ULK4: variants seen among roughly 807,000 people sequenced by gnomAD.
ULK4 encodes the protein unc-51 like kinase 4.
ULK4 carries 133 observed loss-of-function variants against 160.6 expected under a neutral mutation model. The observed-to-expected ratio is 0.83, with a 90% confidence interval of 0.72 to 0.96. The LOEUF is 0.96. Among genes scored for constraint, ULK4 ranks in the 40% least tolerant of loss-of-function variants. The pLI, the probability that ULK4 is intolerant of heterozygous loss-of-function variation, is 0.00. For missense variants in ULK4, 1,580 were observed against 1,499.5 expected (o/e 1.05, Z -0.89); for synonymous variants, 534 against 539.8 (o/e 0.99, Z 0.15).
intron 32 of ULK4, among the ~76,000 whole-genome samples, chr3:41,509,383 A>C (rs1448400433): frequency 1.3e-5 from 2 of 152,224 alleles, no homozygotes; most frequent in African/African-American, 4.8e-5. Context: ...AGACATGTAA[A>C]AGTTTGGAAA....
At chr3:41,311,380 C>T (rs1463833735) in intron 35 of ULK4, among the ~76,000 whole-genome samples, 4 of 152,004 alleles carry the variant, frequency 2.6e-5, no homozygotes, top group African/African-American at 9.7e-5. Flanking sequence ...GGCAGAAAAG[C>T]GTGAAAAGAC....
At chr3:41,307,370 G>A (rs7616239) in intron 35 of ULK4, among the ~76,000 whole-genome samples, 1,939 of 152,214 alleles carry the variant, frequency 0.013, 17 homozygotes, top group Middle Eastern at 0.027. Flanking sequence ...AGTGAAGGTA[G>A]GTGCTTTTTT....
At chr3:41,412,591 C>T (rs141937723) in intron 34 of ULK4, among the ~76,000 whole-genome samples, 3,474 of 103,664 alleles carry the variant, frequency 0.034, 143 homozygotes, top group African/African-American at 0.12. Flanking sequence ...GACAGAGTCT[C>T]GCTCTGTTGC....
In ULK4 at chr3:41,676,984, T is replaced by C. The variant is rs955220873; in HGVS notation, c.2978+4524A>G. 2.1e-4 allele frequency among the ~76,000 whole-genome samples: 28 copies of C among 135,030 alleles called. 1 individual carries two copies. Among genetic ancestry groups the C allele is most frequent in the Non-Finnish European group, 4.6e-5 (3 of 65,182 alleles). 88.6% of individuals were successfully genotyped at this position (135,030 alleles called of 152,430 possible). ...TGGAGTGGTAGAATCACGGTCACCA[T>C]ATCCTCGACACCCCTGGGCTCAGGT... On this transcript the variant is annotated intron_variant, in intron 29 of 36. Transcript: ENST00000301831.
intron 21 of ULK4, among the ~76,000 whole-genome samples, chr3:41,763,559 A>G (rs1417701245): frequency 2.6e-5 from 4 of 152,228 alleles, no homozygotes; most frequent in African/African-American, 9.6e-5. Flanking sequence ...ATTGTCATAT[A>G]ATATTCCATT....
chr3:41,610,992 A>C (rs2032647729), intron 31 of ULK4, among the ~76,000 whole-genome samples: 1 of 152,214 alleles, frequency 6.6e-6, no homozygotes, highest in Non-Finnish European at 1.5e-5. Flanking sequence ...ATTCACACTT[A>C]AGGCACATTT....
At chr3:41,378,456 A>T (rs184027037) in intron 35 of ULK4, among the ~76,000 whole-genome samples, 1 of 152,108 alleles carries the variant, frequency 6.6e-6, no homozygotes, top group Non-Finnish European at 1.5e-5. Context: ...GCAGCCATAA[A>T]AAAGGATGAG....
chr3:41,708,189 T>TATA (rs1465267958), intron 25 of ULK4, among the ~76,000 whole-genome samples: 4 of 151,930 alleles, frequency 2.6e-5, no homozygotes, highest in Non-Finnish European at 5.9e-5. Context: ...TATATATATA[T>TATA]ATTTCCAAAG....
chr3:41,866,541 C>A (rs1345093185), intron 17 of ULK4, among the ~76,000 whole-genome samples: 1 of 152,228 alleles, frequency 6.6e-6, no homozygotes, highest in African/African-American at 2.4e-5. Context: ...AATGCCACTG[C>A]TGATCTGACA....
At chr3:41,601,096 T>G (rs1411449131) in intron 31 of ULK4, among the ~76,000 whole-genome samples, 1 of 152,200 alleles carries the variant, frequency 6.6e-6, no homozygotes, top group African/African-American at 2.4e-5. Flanking sequence ...CAAGAGCTAG[T>G]TCTTTAGGAG....
At chr3:41,626,650 G>A (rs185379821) in intron 30 of ULK4, among the ~76,000 whole-genome samples, 386 of 151,044 alleles carry the variant, frequency 2.6e-3, no homozygotes, top group African/African-American at 8.6e-3. Flanking sequence ...TCAGCCACCC[G>A]AGTAGCTAGG....
intron 35 of ULK4, among the ~76,000 whole-genome samples, chr3:41,259,123 T>C (rs1331989489): frequency 1.3e-5 from 2 of 150,608 alleles, no homozygotes; most frequent in Admixed American, 1.3e-4. Flanking sequence ...TGTGTATATA[T>C]ATATATATAA....
At chr3:41,529,659 T>C (rs551831232) in intron 32 of ULK4, among the ~76,000 whole-genome samples, 97 of 152,208 alleles carry the variant, frequency 6.4e-4, no homozygotes, top group Middle Eastern at 6.8e-3. Flanking sequence ...TTTTTCTTTT[T>C]CCCCCATATT....
At chr3:41,357,495 G>A (rs2125768803) in intron 35 of ULK4, among the ~76,000 whole-genome samples, 1 of 152,268 alleles carries the variant, frequency 6.6e-6, no homozygotes, top group East Asian at 1.9e-4. Context: ...ATTGCATGTG[G>A]TCTGCTTCCC....
intron 32 of ULK4, among the ~76,000 whole-genome samples, chr3:41,474,085 C>T (rs888491393): frequency 3.9e-5 from 6 of 152,078 alleles, no homozygotes; most frequent in South Asian, 2.1e-4. Flanking sequence ...AAGCTAGAGA[C>T]GTCACACTTC....
At chr3:41,564,443 CTTCTTCTTTT>C (rs1310262516) in intron 32 of ULK4, among the ~76,000 whole-genome samples, 2 of 130,436 alleles carry the variant, frequency 1.5e-5, no homozygotes, top group South Asian at 2.7e-4. Flanking sequence ...GTTTCTTCTT[CTTCTTCTTTT>C]TTTTTTTTTT....
At chr3:41,409,611 A>G (rs1482262104) in intron 34 of ULK4, among the ~76,000 whole-genome samples, 1 of 152,230 alleles carries the variant, frequency 6.6e-6, no homozygotes, top group Non-Finnish European at 1.5e-5. Context: ...AAAATAGTCA[A>G]TAAGAACAGG....
intron 35 of ULK4, 90 bp downstream of exon 35, chr3:41,397,989 T>G (rs570905387): frequency 1.4e-6 from 2 of 1,433,704 alleles, no homozygotes; most frequent in Non-Finnish European, 1.9e-6. Flanking sequence ...CTCTGTAAAT[T>G]TGAAATTAGG....
rs528509539 is a variant in ULK4 at position 41,824,530 on chromosome 3, G to C, written c.1765-5024C>G. Among the ~76,000 whole-genome samples the C allele has an allele frequency of 2.6e-5, 4 of 152,288 alleles. No individual in the cohort carries two copies. The South Asian group carries it at 8.3e-4, about 32-fold the overall frequency. On this transcript the variant is annotated intron_variant, in intron 18 of 36. Transcript: ENST00000301831. ...ACCAGGAGATTATATCCCACGCCTG[G>C]CTCGGAGGGTCCTACGCCCATGAAG...
Sources: gnomAD v4.1 joint callset for allele counts (sites outside exome capture counted in the v4.1 genomes callset) on GRCh38, gnomAD v4.1.1 for gene constraint, MANE v1.5 for transcripts, NCBI Gene and HGNC (gene_info 2026-07-23, HGNC 2026-07-21) for gene names.